Variants in CAST observed in about 807,000 individuals in gnomAD.
CAST encodes calpastatin.
Under a neutral mutation model 119.6 loss-of-function variants are expected in CAST, and 76 were observed. The observed-to-expected ratio is 0.64, with a 90% CI of 0.53 to 0.77. CAST has a LOEUF of 0.77. Among genes scored for constraint, CAST ranks in the 30% least tolerant of loss-of-function variants. The probability of loss-of-function intolerance (pLI) is 0.00; values close to 1 mark genes in which losing one functional copy is unlikely to be tolerated. For synonymous variants in CAST, 319 were observed against 331.6 expected, an observed-to-expected ratio of 0.96 and a Z score of 0.41; for missense variants, 953 against 946.5, an observed-to-expected ratio of 1.01 and a Z score of -0.09.
the CAST span, among the ~76,000 whole-genome samples, chr5:96,412,646 A>G: frequency 4.1e-4 from 63 of 151,964 alleles, no homozygotes; most frequent in Admixed American, 2.2e-3. Flanking sequence ...TAACCCAGCT[A>G]CTGACACCAC....
the CAST span, among the ~76,000 whole-genome samples, chr5:96,425,005 AAGAAAAG>A: frequency 2.1e-3 from 264 of 128,700 alleles, 3 homozygotes; most frequent in African/African-American, 8.4e-3. Flanking sequence ...AAGAGAAAGA[AAGAAAAG>A]AAAGAAAGAA....
chr5:96,655,664 A>C (rs1748149160), intron 1 of CAST, among the ~76,000 whole-genome samples: 1 of 152,264 alleles, frequency 6.6e-6, no homozygotes, highest in South Asian at 2.1e-4. Flanking sequence ...AGTAGTAGGC[A>C]ATTTAACAAT....
At chr5:96,652,024 C>T (rs888501774) in intron 1 of CAST, among the ~76,000 whole-genome samples, 2 of 152,174 alleles carry the variant, frequency 1.3e-5, no homozygotes, top group Non-Finnish European at 2.9e-5. Context: ...GATACTGAGT[C>T]TCAGAGAGCT....
chr5:96,291,382 T>C, the CAST span, among the ~76,000 whole-genome samples: 2 of 152,372 alleles, frequency 1.3e-5, no homozygotes, highest in South Asian at 4.1e-4. Flanking sequence ...CTTCCCCTTG[T>C]AATGTGTACA....
chr5:96,384,687 C>A, the CAST span, among the ~76,000 whole-genome samples: 1 of 152,136 alleles, frequency 6.6e-6, no homozygotes, highest in Non-Finnish European at 1.5e-5. Flanking sequence ...TGATGGAACC[C>A]AGACTCAGGC....
At chr5:96,032,119 T>C in the CAST span, among the ~76,000 whole-genome samples, 1 of 152,166 alleles carries the variant, frequency 6.6e-6, no homozygotes, top group East Asian at 1.9e-4. Flanking sequence ...TGTATTTTAC[T>C]GGTGATACAG....
At chr5:96,556,307 C>A (rs939638299) in intron 1 of CAST, among the ~76,000 whole-genome samples, 4 of 152,200 alleles carry the variant, frequency 2.6e-5, no homozygotes, top group South Asian at 4.1e-4. Flanking sequence ...GAGCGCCTCT[C>A]CTCCTCCAAA....
chr5:96,549,980 A>G (rs1746095452), intron 1 of CAST, among the ~76,000 whole-genome samples: 1 of 152,228 alleles, frequency 6.6e-6, no homozygotes, highest in African/African-American at 2.4e-5. Context: ...GGGGCAGGGC[A>G]TATATGAACA....
chr5:96,235,827 C>A, the CAST span, among the ~76,000 whole-genome samples: 3 of 152,094 alleles, frequency 2.0e-5, no homozygotes, highest in Non-Finnish European at 4.4e-5. Flanking sequence ...GGAGCCGGAG[C>A]CTATTTTCCA....
chr5:96,319,902 A>G, the CAST span, among the ~76,000 whole-genome samples: 8 of 151,612 alleles, frequency 5.3e-5, no homozygotes, highest in African/African-American at 1.9e-4. Context: ...TTTTTAATTA[A>G]TGATACCAGT....
chr5:96,410,811 G>A, the CAST span: 5 of 1,614,112 alleles, frequency 3.1e-6, no homozygotes, highest in Non-Finnish European at 4.2e-6. Context: ...GCTGTAAGAG[G>A]TGGCCAGTGT....
intron 1 of CAST, among the ~76,000 whole-genome samples, chr5:96,562,816 G>A (rs1394796491): frequency 6.6e-6 from 1 of 152,170 alleles, no homozygotes; most frequent in Admixed American, 6.5e-5. Context: ...GAAACAAAAT[G>A]AGGCAGCTCA....
the CAST span, among the ~76,000 whole-genome samples, chr5:96,470,287 GA>G: frequency 5.9e-5 from 9 of 151,702 alleles, no homozygotes; most frequent in Admixed American, 5.3e-4. Context: ...CTTTTATATC[GA>G]AAAATATATA....
the CAST span, among the ~76,000 whole-genome samples, chr5:96,133,810 C>T: frequency 6.6e-6 from 1 of 152,136 alleles, no homozygotes; most frequent in Non-Finnish European, 1.5e-5. Context: ...TTGGTGAAGA[C>T]GAGAAGCCAG....
the CAST span, among the ~76,000 whole-genome samples, chr5:96,374,867 C>T: frequency 2.0e-5 from 3 of 152,174 alleles, no homozygotes; most frequent in East Asian, 5.8e-4. Context: ...GTTTCCGGCT[C>T]TCAATCTCGG....
At chr5:96,495,259 TG>T in the CAST span, among the ~76,000 whole-genome samples, 1 of 152,170 alleles carries the variant, frequency 6.6e-6, no homozygotes, top group African/African-American at 2.4e-5. Flanking sequence ...TTTTGTTTTT[TG>T]TTTTTTTTAC....
chr5:96,415,622 T>A, the CAST span, among the ~76,000 whole-genome samples: 2 of 152,238 alleles, frequency 1.3e-5, no homozygotes, highest in South Asian at 2.1e-4. Flanking sequence ...GTACTTTTTT[T>A]AAATTTTGAA....
At chr5:96,072,031 A>G in the CAST span, among the ~76,000 whole-genome samples, 9 of 152,202 alleles carry the variant, frequency 5.9e-5, no homozygotes, top group Non-Finnish European at 1.0e-4. Flanking sequence ...GAAAACTAAT[A>G]TTGATTAGAA....
chr5:96,144,923 GAGAT>G, the CAST span, among the ~76,000 whole-genome samples: 2 of 152,100 alleles, frequency 1.3e-5, no homozygotes, highest in Non-Finnish European at 2.9e-5. Flanking sequence ...CTGGGTTCTG[GAGAT>G]AGAGAGATAC....
Sources: allele counts gnomAD v4.1 joint callset (sites outside exome capture counted in the v4.1 genomes callset), GRCh38; gene constraint gnomAD v4.1.1; transcripts MANE v1.5; gene names NCBI Gene and HGNC (gene_info 2026-07-23, HGNC 2026-07-21).